GUSB: variants seen among roughly 807,000 people sequenced by gnomAD.
GUSB encodes the protein glucuronidase beta, also known as beta-glucuronidase.
GUSB carries 51 observed loss-of-function variants against 74.6 expected under a neutral mutation model. That is an observed-to-expected ratio of 0.68 (90% CI 0.55 to 0.86). GUSB has a LOEUF of 0.86. GUSB is among the 40% of genes least tolerant of loss of function. The pLI is 0.00. For missense variants in GUSB, 736 were observed against 853.7 expected, an observed-to-expected ratio of 0.86 and a Z score of 1.72; for synonymous variants, 360 against 348.3, an observed-to-expected ratio of 1.03 and a Z score of -0.37.
intron 1 of GUSB, 62 bp downstream of exon 1, chr7:65,981,912 G>T: frequency 7.1e-7 from 1 of 1,408,250 alleles, no homozygotes; most frequent in East Asian, 2.5e-5. Context: ...CGGGGGGCCC[G>T]GGCTCCCCTA....
rs763704693 is a variant in GUSB at position 65,980,349 on chromosome 7, G to T, written c.271C>A (p.Arg91Ser). 2 of 1,613,788 alleles carry T rather than the reference G, an allele frequency of 1.2e-6. No individual in the cohort carries two copies. The highest frequency in any genetic ancestry group is 1.7e-6 in the Non-Finnish European group (2 of 1,179,886). ...ACCCAGCCGACAAAATGCCGCAGAC[G>T]CCAGTCCTGGCTGATGTCATTGAAG... ...SSFNDISQDW[R>S]LRHFVGWVWY... The change falls in exon 2 of 12, where the codon CGT (arginine) becomes AGT (serine). Residue 91 changes from arginine (R) to serine (S), a missense_variant. Physicochemically the swap from Arg to Ser is moderately radical, Grantham distance 110. Coordinates refer to ENST00000304895, the MANE Select transcript of GUSB (RefSeq NM_000181.4).
At position 65,982,143 on chromosome 7, in the gene GUSB, G is replaced by A. The variant is rs1489133687; in HGVS notation, c.41C>T (p.Pro14Leu). 4 of 1,543,640 alleles carry A rather than the reference G, an allele frequency of 2.6e-6. No homozygotes were observed. The highest frequency in any genetic ancestry group is 3.5e-6 in the Non-Finnish European group (4 of 1,145,298). ...CCCCAGCGCGCAGCCCCACAACAAC[G>A]GCCCGAGCGCCGCCCAGGCAACCGC... ...GSAVAWAALG[P>L]LLWGCALGLQ... Residue 14 changes from proline to leucine, a missense_variant, in exon 1 of 12, where the codon CCG becomes CTG. Pro to Leu is a moderately conservative substitution (Grantham distance 98). Around this residue, in one of 2 missense-constraint regions of GUSB, gnomAD observed 368 missense variants for 363.8 expected, o/e 1.01. Coordinates refer to ENST00000304895, the MANE Select transcript of GUSB (RefSeq NM_000181.4).
rs777339764 is a variant in GUSB, at chr7:65,982,190, C to T, written c.-7G>A. ...CCGCCGACCCCCGGGCCATGCTTCC[C>T]GGTCCCCCGCTCGGCCACCGTCTGC... is the stretch of plus-strand genomic sequence containing the variant. On this transcript the variant is annotated 5_prime_UTR_variant, in exon 1 of 12. Transcript: ENST00000304895. 4.1e-5 allele frequency: 62 copies of T among 1,504,084 alleles called. No homozygotes were observed. The South Asian group carries it at 7.3e-4, about 18-fold the overall frequency. 93.2% of individuals were successfully genotyped at this position (1,504,084 alleles called of 1,614,324 possible).
intron 8 of GUSB, 78 bp downstream of exon 8, chr7:65,974,217 C>A (rs2115947798): frequency 2.1e-6 from 3 of 1,424,614 alleles, no homozygotes; most frequent in East Asian, 2.3e-5. Context: ...CGATCTTGAA[C>A]AGCACATGCC....
At chr7:65,969,438 C>T (rs958607510) in intron 9 of GUSB, among the ~76,000 whole-genome samples, 1 of 152,020 alleles carries the variant, frequency 6.6e-6, no homozygotes, top group Non-Finnish European at 1.5e-5. Context: ...CAACTCATGC[C>T]TGTAATCACA....
Position 65,974,314 on chromosome 7 carries a change from A to G in GUSB, c.1372T>C (p.Ser458Pro). The change falls in exon 8 of 12, where the codon TCT becomes CCT. Residue 458 changes from serine to proline, a missense_variant. By Grantham distance (74) the Ser-to-Pro change is moderately conservative. Around this residue, in one of 2 missense-constraint regions of GUSB, gnomAD observed 368 missense variants for 489.9 expected, o/e 0.75. Coordinates refer to ENST00000304895, the MANE Select transcript of GUSB (RefSeq NM_000181.4). Reference sequence around the variant, plus strand: ...ACTCACTTCAAGTAGTAGCCAGCAGATTCTAGGTGGGACGCAGGCTCGTTG... The same window carrying G: ...ACTCACTTCAAGTAGTAGCCAGCAGGTTCTAGGTGGGACGCAGGCTCGTTG... The part of the protein sequence containing the change: ...VANEPASHLE[S>P]AGYYLKMVIA... 6.2e-7 allele frequency: 1 copy of G among 1,613,962 alleles called. No individual in the cohort carries two copies. The highest frequency in any genetic ancestry group is 8.5e-7 in the Non-Finnish European group (1 of 1,179,994).
At chr7:65,968,724 T>G (rs1791007597) in intron 9 of GUSB, among the ~76,000 whole-genome samples, 1 of 152,146 alleles carries the variant, frequency 6.6e-6, no homozygotes, top group Admixed American at 6.6e-5. Flanking sequence ...GTAGCTAGGA[T>G]TACAGGCGTG....
intron 4 of GUSB, among the ~76,000 whole-genome samples, 179 bp from the exon 5 acceptor site, chr7:65,976,381 A>G (rs1791579148): frequency 6.6e-6 from 1 of 151,362 alleles, no homozygotes; most frequent in South Asian, 2.1e-4. Flanking sequence ...GCTGGAGTGC[A>G]GTGGCATGAT....
At chr7:65,977,266 T>TC (rs1221969885) in intron 4 of GUSB, among the ~76,000 whole-genome samples, 1 of 152,074 alleles carries the variant, frequency 6.6e-6, no homozygotes, top group Non-Finnish European at 1.5e-5. Flanking sequence ...AACCTCCACC[T>TC]CCCGGGTTCA....
chr7:65,970,386 G>T lies in GUSB; in HGVS notation c.1392-20C>A. On this transcript the variant is annotated intron_variant, in intron 8 of 11. Coordinates refer to ENST00000304895, the MANE Select transcript of GUSB (RefSeq NM_000181.4). ...ACCATCCTGTCCACAAAAGGCAGAA[G>T]AAACAGGTTCCATCAGTCCAGGAAT... 6.4e-7 allele frequency: 1 copy of T among 1,565,196 alleles called. No homozygotes were observed.
At chr7:65,981,610 G>A (rs1792027514) in intron 1 of GUSB, among the ~76,000 whole-genome samples, 1 of 151,790 alleles carries the variant, frequency 6.6e-6, no homozygotes, top group Non-Finnish European at 1.5e-5. Context: ...AGAATCGCTT[G>A]AGCTCAGAAG....
intron 10 of GUSB, among the ~76,000 whole-genome samples, chr7:65,966,254 TG>T (rs1184546701): frequency 1.3e-5 from 2 of 151,986 alleles, no homozygotes; most frequent in African/African-American, 4.8e-5. Context: ...TTCCCCTACT[TG>T]ACTAGTTTGC....
At chr7:65,978,640 C>T (rs1172345577) in intron 4 of GUSB, among the ~76,000 whole-genome samples, 6 of 150,598 alleles carry the variant, frequency 4.0e-5, no homozygotes, top group East Asian at 3.9e-4. Context: ...GGCGTGGTGG[C>T]GGGTGCCTAT....
chr7:65,974,888 C>A (rs766682710), intron 6 of GUSB, 31 bp downstream of exon 6: 2 of 1,610,232 alleles, frequency 1.2e-6, no homozygotes, highest in Non-Finnish European at 8.5e-7. Flanking sequence ...CCAGAAGCAG[C>A]CCCGACAAGG....
intron 4 of GUSB, 66 bp from the exon 5 acceptor site, chr7:65,976,268 C>A (rs1318724483): frequency 9.0e-7 from 1 of 1,108,764 alleles, no homozygotes; most frequent in Non-Finnish European, 1.4e-6. Flanking sequence ...AACAGGAGCG[C>A]CCTGCAGCCA....
chr7:65,979,841 A>AG lies in GUSB; in HGVS notation c.466dup (p.Leu156ProfsTer36). ...GGAGGGCAGGGGCCCCACCTGGACC[A>AG]GGTTGCTGATGTCGGCCTCGAAGGG... On this transcript the variant is annotated frameshift_variant, in exon 3 of 12. Transcript: ENST00000304895. LOFTEE classifies it high-confidence loss of function. 3.1e-6 allele frequency: 5 copies of AG among 1,613,714 alleles called. No individual in the cohort carries two copies. Among genetic ancestry groups the AG allele is most frequent in the Non-Finnish European group, 4.2e-6 (5 of 1,179,930 alleles).
Position 65,982,102 on chromosome 7 carries a change from G to A in GUSB, c.82C>T (p.Leu28=). 1 of 1,595,606 alleles carries A rather than the reference G, an allele frequency of 6.3e-7. No homozygotes were observed. ...GCALGLQGGM[L]YPQESPSREC... ...CGCGACGGGCTCTCCTGGGGGTACA[G>A]CATCCCGCCCTGCAGCCCCAGCGCG... Residue 28 remains leucine, a synonymous_variant, in exon 1 of 12, where the codon CTG becomes TTG. Transcript: ENST00000304895.
At chr7:65,970,569 T>C (rs1004499345) in intron 8 of GUSB, among the ~76,000 whole-genome samples, 6 of 151,540 alleles carry the variant, frequency 4.0e-5, no homozygotes, top group African/African-American at 1.5e-4. Flanking sequence ...CTGGCCAACA[T>C]GGTGAAACCC....
intron 4 of GUSB, among the ~76,000 whole-genome samples, chr7:65,977,806 A>T (rs572728847): frequency 2.2e-4 from 34 of 151,596 alleles, no homozygotes; most frequent in Middle Eastern, 3.4e-3. Context: ...AGATATATAT[A>T]TATTTTTTTA....
Sources: gnomAD v4.1 joint callset for allele counts (sites outside exome capture counted in the v4.1 genomes callset) on GRCh38, gnomAD v4.1.1 for gene constraint, gnomAD v4.1.1 regional missense constraint, MANE v1.5 for transcripts, NCBI Gene and HGNC (gene_info 2026-07-23, HGNC 2026-07-21) for gene names.